The following LPIN2 variants were observed in gnomAD, a reference collection of about 807,000 sequenced individuals.
LPIN2 encodes phosphatidate phosphatase LPIN2.
In LPIN2, 55 loss-of-function variants were observed where a neutral mutation model predicts 111.4. The ratio of observed to expected loss-of-function variants is 0.49; its 90% CI spans 0.40 to 0.62. The LOEUF (loss-of-function observed/expected upper bound fraction) is 0.62, where lower values mean the gene tolerates loss of function less well. LPIN2 is among the 20% of genes least tolerant of loss of function. LPIN2 has a pLI of 0.00. For missense variants in LPIN2, 992 were observed against 1,112.1 expected, an observed-to-expected ratio of 0.89 and a Z score of 1.54; for synonymous variants, 425 against 414.0, an observed-to-expected ratio of 1.03 and a Z score of -0.32.
chr18:2,917,192 T>A lies in LPIN2; in HGVS notation c.*3101A>T, dbSNP rs1016495651. On this transcript the variant is annotated 3_prime_UTR_variant, in exon 20 of 20. Transcript: ENST00000677752. ...TGTCTAATAATCAAATACTTCATCA[T>A]AGGCTGAACATAATTATTAAAAGAG... The A allele has an allele frequency of 6.6e-6, 1 of 152,252 alleles. No homozygotes were observed. Among genetic ancestry groups the A allele is most frequent in the Non-Finnish European group, 1.5e-5 (1 of 68,042 alleles). 9.4% of individuals were successfully genotyped at this position (152,252 alleles called of 1,614,324 possible).
At chr18:2,998,554 G>C (rs1197420222) in intron 1 of LPIN2, among the ~76,000 whole-genome samples, 6 of 152,164 alleles carry the variant, frequency 3.9e-5, no homozygotes, top group African/African-American at 1.2e-4. Context: ...ACATATGTTA[G>C]GCTGGGACAA....
chr18:2,940,870 AATGC>A (rs2077358817), intron 4 of LPIN2, among the ~76,000 whole-genome samples, 158 bp from the exon 5 acceptor site: 1 of 152,202 alleles, frequency 6.6e-6, no homozygotes, highest in Non-Finnish European at 1.5e-5. Flanking sequence ...GGGATACACC[AATGC>A]CACCCACTAT....
At chr18:2,974,807 T>C (rs775696427) in intron 1 of LPIN2, among the ~76,000 whole-genome samples, 4 of 152,158 alleles carry the variant, frequency 2.6e-5, no homozygotes, top group Non-Finnish European at 4.4e-5. Context: ...GCCTGGGCAA[T>C]GTAAGGAGAC....
chr18:2,927,810 G>C lies in LPIN2; in HGVS notation c.1622C>G (p.Ala541Gly). The change falls in exon 12 of 20, where the codon GCC (alanine) becomes GGC (glycine). Residue 541 changes from alanine (A) to glycine (G), a missense_variant and splice_region_variant. By Grantham distance (60) the Ala-to-Gly change is moderately conservative. Transcript: ENST00000677752. ...LQVFQKSLPK[A>G]TVESWVKDKM... ...GTCTTTCACCCAGGACTCAACTGTGGCCTGAAAACAACCAACCTGGGTTAG... is the reference window on the plus strand; with the variant it reads ...GTCTTTCACCCAGGACTCAACTGTGCCCTGAAAACAACCAACCTGGGTTAG... 1.2e-6 allele frequency: 2 copies of C among 1,614,102 alleles called. No homozygotes were observed. The highest frequency in any genetic ancestry group is 8.5e-7 in the Non-Finnish European group (1 of 1,179,980).
chr18:2,989,432 T>C (rs937525391), intron 1 of LPIN2, among the ~76,000 whole-genome samples: 4 of 152,138 alleles, frequency 2.6e-5, no homozygotes, highest in African/African-American at 7.2e-5. Context: ...ACATCCGTGT[T>C]CGTGAATAGG....
In LPIN2 at chr18:2,921,556, C is replaced by T. The variant is rs1304835295; in HGVS notation, c.2419G>A (p.Ala807Thr). 6.2e-7 allele frequency: 1 copy of T among 1,613,942 alleles called. No homozygotes were observed. Among genetic ancestry groups the T allele is most frequent in the African/African-American group, 1.3e-5 (1 of 75,038 alleles). ...LFAPSKQPFY[A>T]AFGNRPNDVY... ...ACATTTGGACGGTTTCCAAAGGCAG[C>T]ATAGAAGGGCTGCTTAGACGGGGCA... is the stretch of plus-strand genomic sequence containing the variant. The change falls in exon 18 of 20, where the codon GCT becomes ACT. Residue 807 changes from alanine to threonine, a missense_variant. Physicochemically the swap from Ala to Thr is moderately conservative, Grantham distance 58. Transcript: ENST00000677752.
intron 1 of LPIN2, among the ~76,000 whole-genome samples, chr18:2,993,361 C>G (rs958427779): frequency 6.6e-6 from 1 of 152,196 alleles, no homozygotes; most frequent in Non-Finnish European, 1.5e-5. Flanking sequence ...ATATCATCTT[C>G]TATTCCTATA....
At position 2,920,330 on chromosome 18, in the gene LPIN2, T is replaced by G. The variant is rs757770003; in HGVS notation, c.2654A>C (p.Asp885Ala). The change falls in exon 20 of 20, where the codon GAC (aspartate) becomes GCC (alanine). Residue 885 changes from aspartate to alanine, a missense_variant. Physicochemically the swap from Asp to Ala is moderately radical, Grantham distance 126 (BLOSUM62 -2). Transcript: ENST00000677752. ...PEFSSFCYWR[D>A]PIPEVDLDDL... ...ATCCAGGTCCACTTCAGGGATCGGGTCTCGCCAGTAGCAGAAGGAGCTGAA... is the reference window on the plus strand; with the variant it reads ...ATCCAGGTCCACTTCAGGGATCGGGGCTCGCCAGTAGCAGAAGGAGCTGAA... 2 of 1,613,908 alleles carry G rather than the reference T, an allele frequency of 1.2e-6. No homozygotes were observed. The highest frequency in any genetic ancestry group is 4.5e-5 in the East Asian group (2 of 44,884).
chr18:2,932,822 T>C (rs1243935941), intron 8 of LPIN2, among the ~76,000 whole-genome samples: 1 of 152,116 alleles, frequency 6.6e-6, no homozygotes, highest in Non-Finnish European at 1.5e-5. Flanking sequence ...TGGGAGAGCC[T>C]CAAGGTGAAA....
At chr18:3,000,408 A>G (rs2078417294) in intron 1 of LPIN2, among the ~76,000 whole-genome samples, 1 of 152,250 alleles carries the variant, frequency 6.6e-6, no homozygotes, top group African/African-American at 2.4e-5. Context: ...TGCCCAGCTC[A>G]AAGGATAAAG....
At chr18:2,968,819 G>A (rs1395035049) in intron 1 of LPIN2, among the ~76,000 whole-genome samples, 1 of 152,174 alleles carries the variant, frequency 6.6e-6, no homozygotes, top group Non-Finnish European at 1.5e-5. Context: ...TGCTTCTTCT[G>A]TTCAGGGAAG....
chr18:2,932,057 A>C (rs924914248), intron 8 of LPIN2, among the ~76,000 whole-genome samples: 1 of 152,234 alleles, frequency 6.6e-6, no homozygotes, highest in Admixed American at 6.5e-5. Context: ...CCAGGAGCTA[A>C]AGATGAGGTT....
intron 1 of LPIN2, among the ~76,000 whole-genome samples, chr18:3,012,719 A>AG (rs1238243825): frequency 2.7e-4 from 41 of 152,150 alleles, no homozygotes; most frequent in African/African-American, 9.1e-4. Flanking sequence ...ACCCAGGGGT[A>AG]GGGGTGGTCT....
chr18:3,002,444 C>T (rs2078448728), intron 1 of LPIN2, among the ~76,000 whole-genome samples: 2 of 152,110 alleles, frequency 1.3e-5, no homozygotes, highest in South Asian at 4.1e-4. Flanking sequence ...TAGTCAAACG[C>T]TCACCTGCAA....
chr18:2,973,859 G>C (rs1423666754), intron 1 of LPIN2, among the ~76,000 whole-genome samples: 1 of 152,146 alleles, frequency 6.6e-6, no homozygotes, highest in Admixed American at 6.5e-5. Context: ...TCTTGGCTGG[G>C]ACCTATCACC....
chr18:2,988,585 C>T (rs796436998), intron 1 of LPIN2, among the ~76,000 whole-genome samples: 3 of 152,102 alleles, frequency 2.0e-5, no homozygotes, highest in South Asian at 4.1e-4. Flanking sequence ...CAGATGGTGA[C>T]GGTAATTGCA....
Position 2,979,103 on chromosome 18 carries a change from A to G in LPIN2, c.-9-18254T>C, listed in dbSNP as rs539430643. The G allele has an allele frequency of 7.2e-5, 11 of 152,608 alleles. No homozygotes were observed. The East Asian group carries it at 1.3e-3, about 19-fold the overall frequency. The allele number at this position is 152,608 out of a possible 1,614,324, so 9.5% of individuals were successfully genotyped here. A position where few individuals can be genotyped will look rare whatever the true frequency, so the allele number is the denominator to read the frequency against. On this transcript the variant is annotated intron_variant, in intron 1 of 19. Transcript: ENST00000677752. ...AGTGATCTACCTGCCTGGGCCTCCC[A>G]AAGTGCAGGATTACAGGTGTGAGCC...
chr18:2,949,457 A>G (rs1185223360), intron 4 of LPIN2, among the ~76,000 whole-genome samples: 2 of 152,188 alleles, frequency 1.3e-5, no homozygotes, highest in Non-Finnish European at 2.9e-5. Flanking sequence ...CTTTTCCACT[A>G]TTGCTTTCCA....
At chr18:2,958,071 G>A (rs1348012048) in intron 2 of LPIN2, among the ~76,000 whole-genome samples, 2 of 142,846 alleles carry the variant, frequency 1.4e-5, no homozygotes, top group Non-Finnish European at 3.0e-5. Context: ...GAATCAGGGA[G>A]GCGGAAGTTG....
Sources: allele counts gnomAD v4.1 joint callset (sites outside exome capture counted in the v4.1 genomes callset), GRCh38; gene constraint gnomAD v4.1.1; transcripts MANE v1.5; gene names NCBI Gene and HGNC (gene_info 2026-07-23, HGNC 2026-07-21).